GAK: variants seen among roughly 807,000 people sequenced by gnomAD.
The protein encoded by GAK is cyclin G associated kinase.
In GAK, 79 loss-of-function variants were observed where a neutral mutation model predicts 143.9. The ratio of observed to expected loss-of-function variants is 0.55; its 90% confidence interval spans 0.46 to 0.66. The LOEUF (loss-of-function observed/expected upper bound fraction) is 0.66, where lower values mean the gene tolerates loss of function less well. Among genes scored for constraint, GAK ranks in the 30% least tolerant of loss-of-function variants. GAK has a pLI of 0.00. For missense variants in GAK, 1,693 were observed against 1,779.7 expected (o/e 0.95, Z 0.88); for synonymous variants, 881 against 765.5 (o/e 1.15, Z -2.49).
At position 851,024 on chromosome 4, in the gene GAK, G is replaced by A. The variant is rs765018640; in HGVS notation, c.3569C>T (p.Ser1190Phe). The change falls in exon 26 of 28, where the codon TCC (serine) becomes TTC (phenylalanine). Residue 1190 changes from serine to phenylalanine, a missense_variant. Around this residue, in one of 2 missense-constraint regions of GAK, gnomAD observed 822 missense variants for 788.7 expected, o/e 1.04. Transcript: ENST00000314167. ...TGGCCCTTTCTTGTCAGACCTGGAG[G>A]AGAAGCCTTGATTGGACAACAGATC... Reference protein sequence around the residue: ...FEDLLSNQGFSSRSDKKGPKT... With the variant: ...FEDLLSNQGFFSRSDKKGPKT... 11 of 1,613,986 alleles carry A rather than the reference G, an allele frequency of 6.8e-6. No individual in the cohort carries two copies. The African/African-American group carries it at 8.0e-5, about 12-fold the overall frequency.
At chr4:853,845 C>A (rs556033780) in intron 24 of GAK, 1 of 151,330 alleles carries the variant, frequency 6.6e-6, no homozygotes, top group Non-Finnish European at 1.5e-5. Flanking sequence ...GTCGCCCAGG[C>A]TGGAGTGCAG....
At chr4:868,787 G>C (rs1018693436) in intron 19 of GAK, 102 bp from the exon 20 acceptor site, 1 of 1,243,936 alleles carries the variant, frequency 8.0e-7, no homozygotes, top group Non-Finnish European at 1.1e-6. Flanking sequence ...CGCCAGCACC[G>C]TGGCAGGCCA....
At chr4:859,076 C>A (rs984528432) in intron 24 of GAK, 2 of 767,106 alleles carry the variant, frequency 2.6e-6, no homozygotes, top group Non-Finnish European at 3.2e-6. Context: ...GGGAGTGAAC[C>A]CAGAGACCCA....
In GAK at chr4:867,056, C is replaced by G. The variant is rs761515694; in HGVS notation, c.2772G>C (p.Gly924=). ...CCTCGCTGAGCAGATCCTCCGGGGG[C>G]CCCTGGGAGGCGGCCTCAGGGGGCC... ...LLGPPEAASQ[G]PPEDLLSEDP... Residue 924 remains glycine, a synonymous_variant, in exon 21 of 28, where the codon GGG becomes GGC. Coordinates refer to ENST00000314167, the MANE Select transcript of GAK (RefSeq NM_005255.4). 5.2e-6 allele frequency: 8 copies of G among 1,528,276 alleles called. No individual in the cohort carries two copies. The African/African-American group carries it at 1.1e-4, about 21-fold the overall frequency. 94.7% of individuals were successfully genotyped at this position (1,528,276 alleles called of 1,614,324 possible). A position where few individuals can be genotyped will look rare whatever the true frequency, so the allele number is the denominator to read the frequency against.
intron 24 of GAK, chr4:859,386 C>A: frequency 2.7e-6 from 4 of 1,494,156 alleles, no homozygotes; most frequent in Non-Finnish European, 3.6e-6. Context: ...GGGCTGGCAG[C>A]AGTGCCAGTG....
chr4:857,606 C>G (rs1024682937), intron 24 of GAK, among the ~76,000 whole-genome samples: 1 of 152,124 alleles, frequency 6.6e-6, no homozygotes, highest in African/African-American at 2.4e-5. Flanking sequence ...GCGCCTGCAC[C>G]CGTGACCCTC....
At chr4:911,562 G>A in intron 4 of GAK, 111 bp downstream of exon 4, 1 of 743,280 alleles carries the variant, frequency 1.3e-6, no homozygotes, top group Admixed American at 2.2e-5. Flanking sequence ...GACCAACACA[G>A]CTTGAGAGAA....
Position 859,249 on chromosome 4 carries a change from G to A in GAK, c.3283+357C>T, listed in dbSNP as rs1749833621. 5 of 1,207,952 alleles carry A rather than the reference G, an allele frequency of 4.1e-6. No homozygotes were observed. The South Asian group carries it at 5.9e-5, about 14-fold the overall frequency. 74.8% of individuals were successfully genotyped at this position (1,207,952 alleles called of 1,614,324 possible). ...GGTTCTTGTGGCCGACAGCTAGCACGCTCCGAGCACAGCCTCGGGGACTGA... is the reference window on the plus strand; with the variant it reads ...GGTTCTTGTGGCCGACAGCTAGCACACTCCGAGCACAGCCTCGGGGACTGA... On this transcript the variant is annotated intron_variant, in intron 24 of 27. Transcript: ENST00000314167.
At chr4:859,375 G>A in intron 24 of GAK, 6 of 1,479,018 alleles carry the variant, frequency 4.1e-6, no homozygotes, top group Non-Finnish European at 4.5e-6. Flanking sequence ...AATGCCGGTG[G>A]GGGCTGGCAG....
chr4:874,169 G>A (rs1713321790), intron 18 of GAK, among the ~76,000 whole-genome samples: 1 of 151,888 alleles, frequency 6.6e-6, no homozygotes. Context: ...ACATGCACAC[G>A]TGTGTTGGTG....
At chr4:883,575 T>C (rs564485854) in intron 12 of GAK, 112 bp from the exon 13 acceptor site, 1 of 1,234,632 alleles carries the variant, frequency 8.1e-7, no homozygotes, top group East Asian at 2.4e-5. Context: ...CTCCGGCAGC[T>C]CCACCAGCCA....
intron 5 of GAK, among the ~76,000 whole-genome samples, chr4:900,255 G>A (rs536348278): frequency 9.8e-5 from 15 of 152,370 alleles, no homozygotes; most frequent in African/African-American, 2.9e-4. Context: ...GAAGCTGTGC[G>A]CACAGCAGGA....
At chr4:849,835 C>CCA in intron 27 of GAK, 57 bp downstream of exon 27, 2 of 183,814 alleles carry the variant, frequency 1.1e-5, no homozygotes, top group Non-Finnish European at 7.5e-6. Flanking sequence ...CGGGGCAGGA[C>CCA]CCCCCCCCCG....
chr4:878,431 G>A (rs1714432500), intron 15 of GAK, among the ~76,000 whole-genome samples: 2 of 152,154 alleles, frequency 1.3e-5, no homozygotes, highest in Non-Finnish European at 2.9e-5. Context: ...AATGTATTGA[G>A]GTGTGTTTAT....
At chr4:869,089 C>T (rs56226221) in intron 19 of GAK, 2 of 230,008 alleles carry the variant, frequency 8.7e-6, no homozygotes, top group East Asian at 1.2e-4. Context: ...CGAATGCACA[C>T]ACAGCACACA....
intron 27 of GAK, 56 bp from the exon 28 acceptor site, chr4:849,830 C>CCGGGGCG: frequency 2.6e-6 from 3 of 1,172,342 alleles, no homozygotes; most frequent in Non-Finnish European, 3.6e-6. Flanking sequence ...GCGGGCGGGG[C>CCGGGGCG]AGGACCCCCC....
Position 907,236 on chromosome 4 carries a change from CCTGCACCCAG to C in GAK, c.383-2467_383-2458del, listed in dbSNP as rs1399788739. 7.9e-5 allele frequency among the ~76,000 whole-genome samples: 12 copies of C among 152,366 alleles called. No homozygotes were observed. In the South Asian group the frequency reaches 2.5e-3, roughly 32 times the overall value. ...CCAGCACAGCCCAGCACTGCCCCCA[CCTGCACCCAG>C]CTGAGGGGCCCTCCCACTCCCCCAG... On this transcript the variant is annotated intron_variant, in intron 4 of 27. Transcript: ENST00000314167.
Position 868,643 on chromosome 4 carries a change from T to C in GAK, c.2291A>G (p.Tyr764Cys), listed in dbSNP as rs752868400. The change falls in exon 20 of 28, where the codon TAT becomes TGT. Residue 764 changes from tyrosine (Y) to cysteine (C), a missense_variant. Tyr to Cys is a radical substitution (Grantham distance 194, BLOSUM62 -2). Around this residue, in one of 2 missense-constraint regions of GAK, gnomAD observed 822 missense variants for 788.7 expected, o/e 1.04. Transcript: ENST00000314167. ...TTCCGGGGACCCTGCCCCAGCATCATACTGAGCCGTGGAGCCAGGCTGCCG... is the reference window on the plus strand; with the variant it reads ...TTCCGGGGACCCTGCCCCAGCATCACACTGAGCCGTGGAGCCAGGCTGCCG... Reference protein sequence around the residue: ...LPRQPGSTAQYDAGAGSPEAE... With the variant: ...LPRQPGSTAQCDAGAGSPEAE... 11 of 1,563,210 alleles carry C rather than the reference T, an allele frequency of 7.0e-6. No individual in the cohort carries two copies. Among genetic ancestry groups the C allele is most frequent in the Admixed American group, 1.9e-5 (1 of 52,492 alleles).
intron 1 of GAK, among the ~76,000 whole-genome samples, chr4:920,318 AAAC>A (rs1214857788): frequency 1.3e-5 from 2 of 151,716 alleles, no homozygotes; most frequent in African/African-American, 4.8e-5. Flanking sequence ...AAAAAAAAAA[AAAC>A]AAAAAACCAA....
Sources: allele counts gnomAD v4.1 joint callset (sites outside exome capture counted in the v4.1 genomes callset), GRCh38; gene constraint gnomAD v4.1.1; regional missense constraint gnomAD v4.1.1; transcripts MANE v1.5; gene names NCBI Gene and HGNC (gene_info 2026-07-23, HGNC 2026-07-21).